Variants in MYO3B observed in about 807,000 individuals in gnomAD.
MYO3B encodes the protein myosin-IIIb.
A neutral mutation model predicts 174.6 loss-of-function variants in MYO3B; 156 were observed. The ratio of observed to expected loss-of-function variants is 0.89; its 90% CI spans 0.78 to 1.02. The LOEUF is 1.02. Ranked by LOEUF, MYO3B falls within the 50% of genes least tolerant of loss-of-function variation. The probability of loss-of-function intolerance (pLI) is 0.00; values close to 1 mark genes in which losing one functional copy is unlikely to be tolerated. For missense variants in MYO3B, 1,632 were observed against 1,639.4 expected, an observed-to-expected ratio of 1.00 and a Z score of 0.08; for synonymous variants, 563 against 569.1, an observed-to-expected ratio of 0.99 and a Z score of 0.15.
chr2:170,595,496 C>T (rs749396055), intron 32 of MYO3B, among the ~76,000 whole-genome samples: 2 of 152,214 alleles, frequency 1.3e-5, no homozygotes, highest in South Asian at 2.1e-4. Context: ...TGGAGTGCAG[C>T]GGCATGAACA....
At chr2:170,620,666 A>T (rs1008863197) in intron 32 of MYO3B, among the ~76,000 whole-genome samples, 7 of 152,198 alleles carry the variant, frequency 4.6e-5, no homozygotes, top group African/African-American at 1.7e-4. Context: ...CATGGGGTAG[A>T]TGGAAAATGG....
At chr2:170,267,145 G>C (rs1257057236) in intron 7 of MYO3B, among the ~76,000 whole-genome samples, 1 of 46,838 alleles carries the variant, frequency 2.1e-5, no homozygotes, top group Admixed American at 2.8e-4. Context: ...AACAGCAGCT[G>C]GGGGTAGGGT....
At chr2:170,389,383 A>AGCCC (rs770702281) in intron 14 of MYO3B, among the ~76,000 whole-genome samples, 178 of 152,324 alleles carry the variant, frequency 1.2e-3, no homozygotes, top group Non-Finnish European at 1.1e-3. Flanking sequence ...TGCCAGCCAC[A>AGCCC]GCCCATCAGT....
At chr2:170,309,416 C>T (rs1053565812) in intron 7 of MYO3B, among the ~76,000 whole-genome samples, 42 of 152,106 alleles carry the variant, frequency 2.8e-4, no homozygotes, top group Admixed American at 1.7e-3. Context: ...TTCTCCCCAC[C>T]GCTACCCTGA....
chr2:170,329,135 G>A (rs574074483), intron 7 of MYO3B, among the ~76,000 whole-genome samples: 8 of 147,640 alleles, frequency 5.4e-5, no homozygotes, highest in Non-Finnish European at 1.0e-4. Flanking sequence ...CTGGGCGACT[G>A]AGTGAGACTC....
intron 7 of MYO3B, among the ~76,000 whole-genome samples, chr2:170,287,398 C>CT (rs60504137): frequency 1.7e-4 from 25 of 148,762 alleles, no homozygotes; most frequent in African/African-American, 4.9e-4. Context: ...CTGTTATTGC[C>CT]TTTTTTTTTT....
chr2:170,589,812 G>C (rs1693711597), intron 32 of MYO3B, among the ~76,000 whole-genome samples: 1 of 152,186 alleles, frequency 6.6e-6, no homozygotes, highest in African/African-American at 2.4e-5. Context: ...GCAATGTATA[G>C]TAATGTCCTT....
chr2:170,504,096 C>CT (rs1459338719), intron 28 of MYO3B, among the ~76,000 whole-genome samples: 1 of 152,228 alleles, frequency 6.6e-6, no homozygotes, highest in African/African-American at 2.4e-5. Flanking sequence ...CTTCGTCCCA[C>CT]TAGGACATTT....
At chr2:170,505,097 C>T (rs1045337721) in intron 28 of MYO3B, among the ~76,000 whole-genome samples, 14 of 151,442 alleles carry the variant, frequency 9.2e-5, no homozygotes, top group African/African-American at 1.5e-4. Context: ...AGAAAACAAA[C>T]GGAAAAAAAA....
chr2:170,463,538 G>A (rs1400439273), intron 24 of MYO3B, 93 bp downstream of exon 24: 1 of 1,097,018 alleles, frequency 9.1e-7, no homozygotes, highest in East Asian at 2.6e-5. Flanking sequence ...AGTGAAACAA[G>A]GGCAAAGCAC....
chr2:170,650,760 T>C (rs1256988638), intron 32 of MYO3B, among the ~76,000 whole-genome samples: 1 of 138,546 alleles, frequency 7.2e-6, no homozygotes, highest in Non-Finnish European at 1.5e-5. Context: ...CTTGGCTCAC[T>C]GCAACTTCCA....
chr2:170,305,949 C>G (rs918837100), intron 7 of MYO3B, among the ~76,000 whole-genome samples: 1 of 152,074 alleles, frequency 6.6e-6, no homozygotes, highest in African/African-American at 2.4e-5. Flanking sequence ...ACTTTGGGGT[C>G]AGGAATCAGG....
At chr2:170,641,365 T>G (rs900584463) in intron 32 of MYO3B, 1 of 152,222 alleles carries the variant, frequency 6.6e-6, no homozygotes, top group Admixed American at 6.5e-5. Context: ...AGAAGTGTAT[T>G]TTGCTGCACA....
intron 32 of MYO3B, among the ~76,000 whole-genome samples, chr2:170,550,792 A>G (rs1690826307): frequency 6.6e-6 from 1 of 152,162 alleles, no homozygotes. Context: ...ACAAAGTTAC[A>G]TTTACTTTTA....
At chr2:170,187,812 A>C (rs1399746639) in intron 1 of MYO3B, among the ~76,000 whole-genome samples, 1 of 152,024 alleles carries the variant, frequency 6.6e-6, no homozygotes, top group African/African-American at 2.4e-5. Context: ...TCTAGTTTTA[A>C]TCCGTCATGG....
chr2:170,219,601 A>G (rs1303916784), intron 6 of MYO3B, among the ~76,000 whole-genome samples: 1 of 151,848 alleles, frequency 6.6e-6, no homozygotes, highest in Non-Finnish European at 1.5e-5. Context: ...CAGAGATGCC[A>G]CCACTGCACT....
chr2:170,253,434 C>G (rs550608384), intron 7 of MYO3B, among the ~76,000 whole-genome samples: 3 of 152,110 alleles, frequency 2.0e-5, no homozygotes, highest in Non-Finnish European at 4.4e-5. Flanking sequence ...ATCAAGAGTT[C>G]CTTTTCAGAC....
intron 22 of MYO3B, among the ~76,000 whole-genome samples, chr2:170,423,644 G>A (rs1273781227): frequency 5.6e-4 from 82 of 146,942 alleles, no homozygotes; most frequent in South Asian, 2.2e-4. Context: ...GCAGTGGTGC[G>A]ATCTCAGCTC....
intron 28 of MYO3B, among the ~76,000 whole-genome samples, chr2:170,511,899 TAAGA>T (rs1688013447): frequency 6.6e-6 from 1 of 152,166 alleles, no homozygotes; most frequent in South Asian, 2.1e-4. Context: ...ACATAAATTT[TAAGA>T]AAGAAATCCT....
Sources: gnomAD v4.1 joint callset for allele counts (sites outside exome capture counted in the v4.1 genomes callset) on GRCh38, gnomAD v4.1.1 for gene constraint, MANE v1.5 for transcripts, NCBI Gene and HGNC (gene_info 2026-07-23, HGNC 2026-07-21) for gene names.